The following ACTR3B variants were observed in gnomAD, a reference collection of about 807,000 sequenced individuals.
The protein encoded by ACTR3B is actin related protein 3B, also known as actin-related protein 3B.
Under a neutral mutation model 59.0 loss-of-function variants are expected in ACTR3B, and 8 were observed. That is an observed-to-expected ratio of 0.14 (90% CI 0.08 to 0.24). The LOEUF (loss-of-function observed/expected upper bound fraction) is 0.24. Among genes scored for constraint, ACTR3B ranks in the 10% least tolerant of loss-of-function variants. ACTR3B has a pLI of 1.00. For synonymous variants in ACTR3B, 148 were observed against 197.9 expected (o/e 0.75, Z 2.12); for missense variants, 245 against 552.3 (o/e 0.44, Z 5.58).
At chr7:152,833,404 C>T (rs776344657) in intron 9 of ACTR3B, among the ~76,000 whole-genome samples, 1 of 152,122 alleles carries the variant, frequency 6.6e-6, no homozygotes, top group South Asian at 2.1e-4. Context: ...GTAAAAAGCT[C>T]CAGTTCCTAA....
intron 9 of ACTR3B, among the ~76,000 whole-genome samples, chr7:152,830,737 G>GT (rs1293175105): frequency 2.0e-5 from 3 of 151,974 alleles, no homozygotes; most frequent in African/African-American, 7.3e-5. Flanking sequence ...TTTTTGTAGA[G>GT]TTGAGGTCTT....
rs184087916 is a variant in ACTR3B, at chr7:152,761,320, G to A, written c.44+1394G>A. On this transcript the variant is annotated intron_variant, in intron 1 of 11. Coordinates refer to ENST00000256001, the MANE Select transcript of ACTR3B (RefSeq NM_020445.6). Reference sequence around the variant, plus strand: ...ACCTCAGGTCCCCTCAGGTCTGGTTGTGTCAAGAGTGAAACCAGTGGGTGA... The same window carrying A: ...ACCTCAGGTCCCCTCAGGTCTGGTTATGTCAAGAGTGAAACCAGTGGGTGA... Among the ~76,000 whole-genome samples the A allele has an allele frequency of 7.4e-4, 113 of 152,228 alleles. 1 individual carries two copies. In the East Asian group the frequency reaches 0.014, roughly 19 times the overall value.
At position 152,855,306 on chromosome 7, in the gene ACTR3B, T is replaced by C. The variant is rs1393519181; in HGVS notation, c.*753T>C. On this transcript the variant is annotated 3_prime_UTR_variant, in exon 12 of 12. Transcript: ENST00000256001. The stretch of plus-strand genomic sequence containing the variant: ...CTGTTTTATAGAAGATGATGGTTTG[T>C]TGTCGGTGAGTGTTGGATGAAATAC... 2.6e-5 allele frequency: 4 copies of C among 152,260 alleles called. No homozygotes were observed. Among genetic ancestry groups the C allele is most frequent in the African/African-American group, 9.6e-5 (4 of 41,464 alleles). 9.4% of individuals were successfully genotyped at this position (152,260 alleles called of 1,614,324 possible).
Position 152,854,608 on chromosome 7 carries a change from A to C in ACTR3B, c.*55A>C. On this transcript the variant is annotated 3_prime_UTR_variant, in exon 12 of 12. Transcript: ENST00000256001. This position sits in a 1 kb window ranked among gnomAD's most constrained non-coding sequence, Gnocchi z 4.9. Reference sequence around the variant, plus strand: ...TCACGTTGGGGAACAAGTGTCCTTCAGAACCCAGAGAAGGCCGCCGTTCTG... The same window carrying C: ...TCACGTTGGGGAACAAGTGTCCTTCCGAACCCAGAGAAGGCCGCCGTTCTG... 1 of 1,565,504 alleles carries C rather than the reference A, an allele frequency of 6.4e-7. No individual in the cohort carries two copies. The highest frequency in any genetic ancestry group is 8.8e-7 in the Non-Finnish European group (1 of 1,137,946).
chr7:152,829,571 G>A (rs1796859396), intron 9 of ACTR3B, among the ~76,000 whole-genome samples: 1 of 152,162 alleles, frequency 6.6e-6, no homozygotes, highest in Non-Finnish European at 1.5e-5. Flanking sequence ...GGCCTGCGGG[G>A]AAGCCTCCGT....
In ACTR3B at chr7:152,759,903, C is replaced by G. The variant is rs1190032142; in HGVS notation, c.21C>G (p.Pro7=). Residue 7 remains proline (P), a synonymous_variant, in exon 1 of 12, where the codon CCC becomes CCG. Transcript: ENST00000256001. ...CGAGCATGGCAGGCTCCCTGCCTCC[C>G]TGCGTGGTGGACTGTGGCACCGGGT... MAGSLP[P]CVVDCGTGYT... is the part of the protein sequence containing the mutation. 1.4e-6 allele frequency: 2 copies of G among 1,386,834 alleles called. No homozygotes were observed. Among genetic ancestry groups the G allele is most frequent in the Non-Finnish European group, 1.9e-6 (2 of 1,061,240 alleles). The allele number at this position is 1,386,834 out of a possible 1,614,324, so 85.9% of individuals were successfully genotyped here.
At chr7:152,766,180 AG>A (rs1658368636) in intron 1 of ACTR3B, among the ~76,000 whole-genome samples, 1 of 152,158 alleles carries the variant, frequency 6.6e-6, no homozygotes. Flanking sequence ...CCAAGGGAAA[AG>A]ATGTGGGGTG....
chr7:152,828,114 A>G (rs1375371132), intron 9 of ACTR3B, among the ~76,000 whole-genome samples: 2 of 152,110 alleles, frequency 1.3e-5, no homozygotes, highest in African/African-American at 4.8e-5. Context: ...TAGACATGTG[A>G]GGAGTTACTT....
At chr7:152,821,446 C>T (rs1227759306) in intron 7 of ACTR3B, among the ~76,000 whole-genome samples, 5 of 150,954 alleles carry the variant, frequency 3.3e-5, no homozygotes, top group Non-Finnish European at 7.4e-5. Context: ...GGTGATATAG[C>T]GAGATCTCGT....
chr7:152,781,795 A>G (rs984598373), intron 1 of ACTR3B, among the ~76,000 whole-genome samples: 1 of 152,172 alleles, frequency 6.6e-6, no homozygotes, highest in Admixed American at 6.5e-5. Context: ...TTGGCTCTGA[A>G]TTCTACCTTG....
chr7:152,785,432 AGGGG>A (rs1327001455), intron 2 of ACTR3B, among the ~76,000 whole-genome samples: 1 of 1,276 alleles, frequency 7.8e-4, no homozygotes, highest in African/African-American at 3.2e-3. Flanking sequence ...AGGGAGAGAG[AGGGG>A]GAGGGGGAGG....
intron 6 of ACTR3B, among the ~76,000 whole-genome samples, chr7:152,817,160 G>A (rs1221731054): frequency 1.3e-5 from 2 of 152,080 alleles, no homozygotes; most frequent in African/African-American, 4.8e-5. Context: ...CAAGGCGGGC[G>A]GATCACCTGA....
At chr7:152,849,832 G>A (rs1283185699) in intron 9 of ACTR3B, among the ~76,000 whole-genome samples, 1 of 152,244 alleles carries the variant, frequency 6.6e-6, no homozygotes, top group African/African-American at 2.4e-5. Context: ...ACAGACACTC[G>A]GTAGAATTGG....
chr7:152,820,696 G>A (rs1481721397), intron 7 of ACTR3B, among the ~76,000 whole-genome samples: 1 of 152,234 alleles, frequency 6.6e-6, no homozygotes, highest in Non-Finnish European at 1.5e-5. Context: ...TGCAGAGGCA[G>A]CATTGTTCAG....
intron 2 of ACTR3B, among the ~76,000 whole-genome samples, chr7:152,791,195 G>C (rs1271865654): frequency 4.6e-5 from 7 of 151,872 alleles, no homozygotes. Flanking sequence ...AATTTTAATA[G>C]AGACAGGGTT....
chr7:152,811,694 T>C (rs1361395482), intron 4 of ACTR3B: 1 of 152,184 alleles, frequency 6.6e-6, no homozygotes, highest in East Asian at 1.9e-4. Flanking sequence ...TGTATTTGTT[T>C]AGGGGTAACT....
At chr7:152,843,858 C>G (rs1798058240) in intron 9 of ACTR3B, among the ~76,000 whole-genome samples, 1 of 152,114 alleles carries the variant, frequency 6.6e-6, no homozygotes, top group Non-Finnish European at 1.5e-5. Flanking sequence ...TTAGTAAATA[C>G]ACACTATTTA....
chr7:152,760,550 G>A (rs531991227), intron 1 of ACTR3B, among the ~76,000 whole-genome samples: 1 of 152,156 alleles, frequency 6.6e-6, no homozygotes, highest in African/African-American at 2.4e-5. Context: ...GGCACACTCA[G>A]GCCAAGCTGT....
chr7:152,851,220 A>G (rs1216768921), intron 9 of ACTR3B, among the ~76,000 whole-genome samples: 2 of 152,252 alleles, frequency 1.3e-5, no homozygotes, highest in Non-Finnish European at 2.9e-5. Context: ...TTGTAACAAT[A>G]TACTGTAGGA....
Sources: gnomAD v4.1 joint callset for allele counts (sites outside exome capture counted in the v4.1 genomes callset) on GRCh38, gnomAD v4.1.1 for gene constraint, Gnocchi (gnomAD v3.1) non-coding constraint, MANE v1.5 for transcripts, NCBI Gene and HGNC (gene_info 2026-07-23, HGNC 2026-07-21) for gene names.